TAB2: variants seen among roughly 807,000 people sequenced by gnomAD.
TAB2 encodes the protein TGF-beta-activated kinase 1 and MAP3K7-binding protein 2.
A neutral mutation model predicts 65.0 loss-of-function variants in TAB2; 3 were observed. The ratio of observed to expected loss-of-function variants is 0.05; its 90% CI spans 0.02 to 0.12. TAB2 has a LOEUF of 0.12. Among genes scored for constraint, TAB2 ranks in the 10% least tolerant of loss-of-function variants. The probability of loss-of-function intolerance (pLI) is 1.00; values close to 1 mark genes in which losing one functional copy is unlikely to be tolerated. For synonymous variants in TAB2, 298 were observed against 285.1 expected (o/e 1.05, Z -0.46); for missense variants, 623 against 840.3 (o/e 0.74, Z 3.20).
At chr6:149,327,355 G>A (rs1779650705) in intron 1 of TAB2, among the ~76,000 whole-genome samples, 1 of 152,158 alleles carries the variant, frequency 6.6e-6, no homozygotes, top group African/African-American at 2.4e-5. Flanking sequence ...GTTTAGAAAT[G>A]GGGGTTTCGT....
In TAB2 at chr6:149,378,865, T is replaced by G; in HGVS notation, c.950T>G (p.Ile317Ser). The G allele has an allele frequency of 6.2e-7, 1 of 1,614,124 alleles. No individual in the cohort carries two copies. The highest frequency in any genetic ancestry group is 1.1e-5 in the South Asian group (1 of 91,086). ...CATAGCCAATATAACATTCAGAATA[T>G]TTCAACAGGACCTCGAAAAAACCAG... ...SAHSQYNIQN[I>S]STGPRKNQIE... The change falls in exon 3 of 7, where the codon ATT (isoleucine) becomes AGT (serine). Residue 317 changes from isoleucine (I) to serine (S), a missense_variant. This residue lies in a region of TAB2 where 550 missense variants were observed against 665.7 expected (regional missense o/e 0.83). Transcript: ENST00000637181.
At chr6:149,311,159 G>A (rs1402637164) in intron 1 of TAB2, among the ~76,000 whole-genome samples, 4 of 152,112 alleles carry the variant, frequency 2.6e-5, no homozygotes, top group Non-Finnish European at 5.9e-5. Context: ...TACCTGCTTC[G>A]TCTTGTCTCC....
At chr6:149,344,556 A>G (rs1299617189) in intron 1 of TAB2, among the ~76,000 whole-genome samples, 3 of 152,184 alleles carry the variant, frequency 2.0e-5, no homozygotes, top group Admixed American at 6.5e-5. Flanking sequence ...TGCATAGAGA[A>G]TAGTTGGATA....
At chr6:149,376,825 A>G (rs1208118305) in intron 2 of TAB2, among the ~76,000 whole-genome samples, 1 of 152,000 alleles carries the variant, frequency 6.6e-6, no homozygotes, top group Non-Finnish European at 1.5e-5. Flanking sequence ...ATTTTCGTGG[A>G]TGATTTATGA....
In TAB2 at chr6:149,357,554, A is replaced by G. The variant is rs1460452487; in HGVS notation, c.-89-12355A>G. On this transcript the variant is annotated intron_variant, in intron 1 of 6. Coordinates refer to ENST00000637181, the MANE Select transcript of TAB2 (RefSeq NM_001292034.3). Reference sequence around the variant, plus strand: ...CATTATACATTGTTTAATTTAGTCTATGCTTCTGCCCCCTTGAACGGTGTT... The same window carrying G: ...CATTATACATTGTTTAATTTAGTCTGTGCTTCTGCCCCCTTGAACGGTGTT... Among the ~76,000 whole-genome samples the G allele has an allele frequency of 3.9e-5, 6 of 152,042 alleles. No homozygotes were observed. The South Asian group carries it at 6.2e-4, about 16-fold the overall frequency.
At chr6:149,238,890 G>C (rs73601887) in intron 1 of TAB2, among the ~76,000 whole-genome samples, 9,361 of 152,216 alleles carry the variant, frequency 0.061, 383 homozygotes, top group Middle Eastern at 0.11. Context: ...CAGAGCCTTC[G>C]CCAATGTTCA....
chr6:149,393,285 A>G (rs1234623396), intron 3 of TAB2, among the ~76,000 whole-genome samples: 1 of 152,212 alleles, frequency 6.6e-6, no homozygotes, highest in African/African-American at 2.4e-5. Flanking sequence ...CCTCATAAAT[A>G]AGTTGTAAGT....
intron 1 of TAB2, chr6:149,342,788 A>G (rs954087099): frequency 3.9e-5 from 6 of 152,236 alleles, no homozygotes; most frequent in African/African-American, 7.2e-5. Context: ...AAAAATGGCA[A>G]TGGGCCAACC....
At chr6:149,264,649 T>C (rs185524469) in intron 1 of TAB2, among the ~76,000 whole-genome samples, 42 of 152,298 alleles carry the variant, frequency 2.8e-4, no homozygotes, top group Admixed American at 2.7e-3. Context: ...GCAGGAGTTT[T>C]TATTCCATCC....
chr6:149,266,909 G>A (rs1453284468), intron 1 of TAB2, among the ~76,000 whole-genome samples: 3 of 152,164 alleles, frequency 2.0e-5, no homozygotes, highest in African/African-American at 4.8e-5. Flanking sequence ...AATGCAAAAG[G>A]GGAACACCCC....
At chr6:149,382,383 G>T (rs1172390943) in intron 3 of TAB2, among the ~76,000 whole-genome samples, 1 of 152,102 alleles carries the variant, frequency 6.6e-6, no homozygotes, top group East Asian at 1.9e-4. Context: ...GGATCACAAG[G>T]TCAGGAGTTC....
chr6:149,301,504 G>T (rs540013827), intron 1 of TAB2, among the ~76,000 whole-genome samples: 29 of 152,304 alleles, frequency 1.9e-4, no homozygotes, highest in Middle Eastern at 6.8e-3. Flanking sequence ...GAATGAAATG[G>T]TCATTTCTGT....
At chr6:149,396,042 G>T (rs2114937423) in intron 3 of TAB2, among the ~76,000 whole-genome samples, 1 of 152,078 alleles carries the variant, frequency 6.6e-6, no homozygotes, top group East Asian at 1.9e-4. Flanking sequence ...CCCCGAGTTG[G>T]AGTCTCACTC....
intron 2 of TAB2, among the ~76,000 whole-genome samples, chr6:149,370,604 A>T (rs1781192478): frequency 1.3e-5 from 2 of 152,210 alleles, no homozygotes; most frequent in Non-Finnish European, 1.5e-5. Context: ...AATGGGGGAA[A>T]AAAGTCTGTT....
chr6:149,390,618 G>A (rs921850318), intron 3 of TAB2, among the ~76,000 whole-genome samples: 1 of 152,042 alleles, frequency 6.6e-6, no homozygotes, highest in Non-Finnish European at 1.5e-5. Context: ...ACAAAAGTTG[G>A]GTAAGTACTG....
At chr6:149,375,076 C>T (rs1332384194) in intron 2 of TAB2, among the ~76,000 whole-genome samples, 1 of 152,128 alleles carries the variant, frequency 6.6e-6, no homozygotes, top group African/African-American at 2.4e-5. Context: ...AAGGTATGAT[C>T]ATGGCATTGT....
chr6:149,268,060 T>C (rs1778295851), intron 1 of TAB2, among the ~76,000 whole-genome samples: 1 of 152,174 alleles, frequency 6.6e-6, no homozygotes, highest in South Asian at 2.1e-4. Flanking sequence ...TCTTAGCCAA[T>C]GTACTAGTTA....
At chr6:149,255,043 G>A (rs1777986001) in intron 1 of TAB2, among the ~76,000 whole-genome samples, 1 of 152,186 alleles carries the variant, frequency 6.6e-6, no homozygotes, top group Admixed American at 6.5e-5. Flanking sequence ...GAATTTTGGG[G>A]GACCTGGGGC....
chr6:149,281,966 T>C (rs7758643), intron 1 of TAB2, among the ~76,000 whole-genome samples: 3,005 of 152,302 alleles, frequency 0.02, 87 homozygotes, highest in African/African-American at 0.066. Context: ...CAATTACATT[T>C]ATGCATTTTC....
Sources: allele counts gnomAD v4.1 joint callset (sites outside exome capture counted in the v4.1 genomes callset), GRCh38; gene constraint gnomAD v4.1.1; regional missense constraint gnomAD v4.1.1; transcripts MANE v1.5; gene names NCBI Gene and HGNC (gene_info 2026-07-23, HGNC 2026-07-21).